ASTN2: variants seen among roughly 807,000 people sequenced by gnomAD.
ASTN2 encodes astrotactin-2.
A neutral mutation model predicts 139.8 loss-of-function variants in ASTN2; 54 were observed. That is an observed-to-expected ratio of 0.39 (90% CI 0.31 to 0.48). ASTN2 has a LOEUF of 0.48. Ranked by LOEUF, ASTN2 falls within the 20% of genes least tolerant of loss-of-function variation. The pLI, the probability that ASTN2 is intolerant of heterozygous loss-of-function variation, is 0.95. For synonymous variants in ASTN2, 756 were observed against 719.5 expected, an observed-to-expected ratio of 1.05 and a Z score of -0.81; for missense variants, 1,565 against 1,725.1, an observed-to-expected ratio of 0.91 and a Z score of 1.64.
chr9:117,283,952 T>C (rs1015426007), intron 2 of ASTN2, among the ~76,000 whole-genome samples: 1 of 152,084 alleles, frequency 6.6e-6, no homozygotes, highest in Non-Finnish European at 1.5e-5. Context: ...TTGTCAGTAG[T>C]GGTATTATTT....
chr9:116,511,194 T>C (rs1195012582), intron 19 of ASTN2, among the ~76,000 whole-genome samples: 1 of 152,198 alleles, frequency 6.6e-6, no homozygotes, highest in Non-Finnish European at 1.5e-5. Context: ...CCTAACTTAT[T>C]GAGAGTTTTT....
At chr9:116,512,276 G>A (rs954066042) in intron 19 of ASTN2, among the ~76,000 whole-genome samples, 7 of 152,174 alleles carry the variant, frequency 4.6e-5, no homozygotes, top group East Asian at 3.8e-4. Flanking sequence ...AGTCAGTCAG[G>A]AGCACGTTGC....
chr9:117,109,381 TG>T (rs1829193988), intron 4 of ASTN2, among the ~76,000 whole-genome samples: 1 of 150,894 alleles, frequency 6.6e-6, no homozygotes, highest in East Asian at 2.0e-4. Context: ...AAAATAAATC[TG>T]TCCTTCAATA....
chr9:117,203,371 G>A (rs1429953851), intron 3 of ASTN2, among the ~76,000 whole-genome samples: 1 of 151,902 alleles, frequency 6.6e-6, no homozygotes, highest in Non-Finnish European at 1.5e-5. Flanking sequence ...CCAGTTCTAG[G>A]CCCTTGATAG....
chr9:117,107,845 T>C (rs143839597), intron 4 of ASTN2, among the ~76,000 whole-genome samples: 3 of 152,368 alleles, frequency 2.0e-5, no homozygotes, highest in African/African-American at 7.2e-5. Flanking sequence ...CGTTTTGTAC[T>C]ACCAAATTGT....
At chr9:117,354,700 C>T (rs1829488598) in intron 1 of ASTN2, among the ~76,000 whole-genome samples, 1 of 152,050 alleles carries the variant, frequency 6.6e-6, no homozygotes, top group Non-Finnish European at 1.5e-5. Flanking sequence ...CTCCTCCTTC[C>T]CTCCCTCCAG....
chr9:116,712,155 T>G (rs1261011642), intron 16 of ASTN2, among the ~76,000 whole-genome samples: 1 of 152,188 alleles, frequency 6.6e-6, no homozygotes, highest in Non-Finnish European at 1.5e-5. Flanking sequence ...CCACAATTTC[T>G]TTTTTCTTAT....
At chr9:117,286,412 C>T (rs945710455) in intron 2 of ASTN2, among the ~76,000 whole-genome samples, 8 of 141,512 alleles carry the variant, frequency 5.7e-5, no homozygotes, top group East Asian at 4.3e-4. Flanking sequence ...AGTCCAGTGG[C>T]GTGATCCTGG....
At chr9:116,520,285 A>T (rs1850813512) in intron 19 of ASTN2, among the ~76,000 whole-genome samples, 1 of 152,052 alleles carries the variant, frequency 6.6e-6, no homozygotes, top group African/African-American at 2.4e-5. Context: ...AACAGCATAT[A>T]AAAAAGACAA....
chr9:116,430,410 T>C (rs1211887356), intron 22 of ASTN2, among the ~76,000 whole-genome samples: 1 of 152,174 alleles, frequency 6.6e-6, no homozygotes, highest in Admixed American at 6.5e-5. Context: ...AGCTATGTGG[T>C]TCATGAGCAA....
chr9:116,702,107 A>G (rs1450253087), intron 16 of ASTN2, among the ~76,000 whole-genome samples: 2 of 152,130 alleles, frequency 1.3e-5, no homozygotes, highest in Admixed American at 1.3e-4. Context: ...ACTGAACTAC[A>G]GCATTGCTTA....
intron 3 of ASTN2, among the ~76,000 whole-genome samples, chr9:117,172,093 A>G (rs1314980800): frequency 6.6e-6 from 1 of 152,182 alleles, no homozygotes; most frequent in African/African-American, 2.4e-5. Flanking sequence ...CTAAGAAGCC[A>G]GAGTACTGTT....
Position 116,718,972 on chromosome 9 carries a change from G to GTATATATATATATATA in ASTN2, c.2806+6798_2806+6799insTATATATATATATATA, listed in dbSNP as rs373217069. Among the ~76,000 whole-genome samples, 110 of 100,012 alleles carry GTATATATATATATATA rather than the reference G, an allele frequency of 1.1e-3. 7 individuals are homozygous for GTATATATATATATATA. The highest frequency in any genetic ancestry group is 2.2e-3 in the South Asian group (6 of 2,740). 65.6% of individuals were successfully genotyped at this position (100,012 alleles called of 152,430 possible). ...TATTTACATATCTATACCTGTATCT[G>GTATATATATATATATA]TACATATATATATATATATCTGCCT... On this transcript the variant is annotated intron_variant, in intron 16 of 22. Coordinates refer to ENST00000313400, the MANE Select transcript of ASTN2 (RefSeq NM_001365068.1).
At chr9:116,939,663 G>A (rs1486842160) in intron 10 of ASTN2, among the ~76,000 whole-genome samples, 1 of 151,976 alleles carries the variant, frequency 6.6e-6, no homozygotes, top group East Asian at 1.9e-4. Context: ...AATCTTGGGT[G>A]GCAAAAACCT....
In ASTN2 at chr9:116,806,882, A is replaced by G. The variant is rs144569923; in HGVS notation, c.2208-1062T>C. Reference sequence around the variant, plus strand: ...TCTATTTATTGAGCATGTACTATTCACTGAACACTTTATGTATTTATTATC... The same window carrying G: ...TCTATTTATTGAGCATGTACTATTCGCTGAACACTTTATGTATTTATTATC... On this transcript the variant is annotated intron_variant, in intron 12 of 22. Transcript: ENST00000313400. Among the ~76,000 whole-genome samples the G allele has an allele frequency of 4.1e-4, 63 of 152,348 alleles. No individual in the cohort carries two copies. In the East Asian group the frequency reaches 6.6e-3, roughly 16 times the overall value.
chr9:117,210,681 A>G (rs1046780065), intron 3 of ASTN2, among the ~76,000 whole-genome samples: 1 of 152,196 alleles, frequency 6.6e-6, no homozygotes, highest in African/African-American at 2.4e-5. Context: ...ATTGAAGCAG[A>G]GGGAATTCTT....
At chr9:117,340,075 A>AT (rs1829017014) in intron 1 of ASTN2, among the ~76,000 whole-genome samples, 1 of 151,938 alleles carries the variant, frequency 6.6e-6, no homozygotes, top group Admixed American at 6.6e-5. Flanking sequence ...CCCTGTCCTC[A>AT]TCCCACACAC....
chr9:117,251,990 A>G (rs1459684786), intron 2 of ASTN2, among the ~76,000 whole-genome samples: 1 of 152,210 alleles, frequency 6.6e-6, no homozygotes, highest in East Asian at 1.9e-4. Flanking sequence ...TATTATGCCC[A>G]AAAGTGGCTA....
chr9:117,384,584 A>G (rs1830350544), intron 1 of ASTN2, among the ~76,000 whole-genome samples: 1 of 152,198 alleles, frequency 6.6e-6, no homozygotes, highest in African/African-American at 2.4e-5. Context: ...CACTAACTTG[A>G]TAAGTAACTC....
Sources: allele counts gnomAD v4.1 joint callset (sites outside exome capture counted in the v4.1 genomes callset), GRCh38; gene constraint gnomAD v4.1.1; transcripts MANE v1.5; gene names NCBI Gene and HGNC (gene_info 2026-07-23, HGNC 2026-07-21).